NEBL: variants seen among roughly 807,000 people sequenced by gnomAD.
The protein encoded by NEBL is LIM and SH3 protein 2.
In NEBL, 122 loss-of-function variants were observed where a neutral mutation model predicts 140.2. The ratio of observed to expected loss-of-function variants is 0.87; its 90% CI spans 0.75 to 1.01. The LOEUF (loss-of-function observed/expected upper bound fraction) is 1.01, where lower values mean the gene tolerates loss of function less well. Ranked by LOEUF, NEBL falls within the 50% of genes least tolerant of loss-of-function variation. The pLI is 0.00. For synonymous variants in NEBL, 436 were observed against 398.9 expected (o/e 1.09, Z -1.11); for missense variants, 1,365 against 1,231.3 (o/e 1.11, Z -1.62).
At chr10:21,022,181 A>G (rs1389824955) in intron 2 of NEBL, among the ~76,000 whole-genome samples, 1 of 152,104 alleles carries the variant, frequency 6.6e-6, no homozygotes, top group Non-Finnish European at 1.5e-5. Flanking sequence ...AAAGCCACAG[A>G]GCTCAGAGCT....
rs4748751 is a variant in NEBL, at chr10:21,152,222, G to A, written c.164+20161C>T. Among the ~76,000 whole-genome samples, 51 of 152,180 alleles carry A rather than the reference G, an allele frequency of 3.4e-4. 1 individual carries two copies. In the South Asian group the frequency reaches 9.8e-3, roughly 29 times the overall value. On this transcript the variant is annotated intron_variant, in intron 2 of 6. Transcript: ENST00000417816. ...CCCAATCCATGATGGATTCTCTTTC[G>A]TGCTCATCTGTCTGGCCACCCCTTG...
At position 21,291,984 on chromosome 10, in the gene NEBL, T is replaced by C. The variant is rs80321425; in HGVS notation, n.182+846A>G. Among the ~76,000 whole-genome samples the C allele has an allele frequency of 3.3e-3, 483 of 147,654 alleles. 8 individuals are homozygous for C. Among genetic ancestry groups the C allele is most frequent in the African/African-American group, 0.012 (458 of 38,976 alleles). On this transcript the variant is annotated intron_variant and non_coding_transcript_variant, in intron 1 of 8. Coordinates refer to the NEBL transcript ENST00000675702. ...CATATGCAGATGATAATTGCTGTTATAAGTTTAATGCCCAGACTTGGTTTC... is the reference window on the plus strand; with the variant it reads ...CATATGCAGATGATAATTGCTGTTACAAGTTTAATGCCCAGACTTGGTTTC...
At chr10:20,936,185 C>T (rs1834473977) in intron 4 of NEBL, among the ~76,000 whole-genome samples, 2 of 152,304 alleles carry the variant, frequency 1.3e-5, no homozygotes, top group African/African-American at 4.8e-5. Context: ...ATCTTTTACT[C>T]ATATTCTAAG....
chr10:20,973,476 C>T (rs528638768), intron 3 of NEBL, among the ~76,000 whole-genome samples: 19 of 152,144 alleles, frequency 1.2e-4, no homozygotes, highest in Admixed American at 4.6e-4. Context: ...TCTCAAATTC[C>T]GGGCCTCAAG....
upstream of NEBL, chr10:20,897,634 A>T (rs1409935137): frequency 1.4e-6 from 1 of 735,222 alleles, no homozygotes; most frequent in Non-Finnish European, 1.7e-6. Flanking sequence ...TATCTCAAAG[A>T]TTCCTTGTCT....
chr10:20,816,373 C>T (rs533869427), intron 21 of NEBL, among the ~76,000 whole-genome samples: 12 of 152,276 alleles, frequency 7.9e-5, no homozygotes, highest in South Asian at 6.2e-4. Flanking sequence ...GAATTAACTG[C>T]GGCAGAATTT....
At chr10:20,924,667 A>C (rs1434084689) in intron 4 of NEBL, among the ~76,000 whole-genome samples, 1 of 152,038 alleles carries the variant, frequency 6.6e-6, no homozygotes, top group African/African-American at 2.4e-5. Flanking sequence ...TTTAAAAAAA[A>C]ATAAGGTGAG....
intron 1 of NEBL, among the ~76,000 whole-genome samples, chr10:21,268,580 G>A (rs962665005): frequency 5.3e-5 from 8 of 151,376 alleles, no homozygotes; most frequent in African/African-American, 1.9e-4. Context: ...CTGGAGTGCA[G>A]TGGTGTGATC....
chr10:20,956,427 G>A (rs1288381672), intron 4 of NEBL, among the ~76,000 whole-genome samples: 1 of 151,738 alleles, frequency 6.6e-6, no homozygotes. Flanking sequence ...CTATTTACTG[G>A]GAATTCATCA....
At chr10:21,012,826 C>G (rs1375068942) in intron 3 of NEBL, among the ~76,000 whole-genome samples, 1 of 152,114 alleles carries the variant, frequency 6.6e-6, no homozygotes, top group African/African-American at 2.4e-5. Flanking sequence ...CTCCCTCCAC[C>G]GTCAGCTATG....
intron 4 of NEBL, among the ~76,000 whole-genome samples, chr10:20,945,754 C>A (rs1835124769): frequency 6.6e-6 from 1 of 152,140 alleles, no homozygotes; most frequent in South Asian, 2.1e-4. Context: ...TGCTCTGTGG[C>A]ACAAGGGCTC....
At chr10:20,877,922 C>T (rs1039413771) in intron 5 of NEBL, among the ~76,000 whole-genome samples, 1 of 152,170 alleles carries the variant, frequency 6.6e-6, no homozygotes, top group Non-Finnish European at 1.5e-5. Flanking sequence ...CTTTCTTTTG[C>T]CTAGTAAACC....
At chr10:20,806,241 A>G (rs1837605479) in intron 26 of NEBL, among the ~76,000 whole-genome samples, 2 of 152,178 alleles carry the variant, frequency 1.3e-5, no homozygotes, top group African/African-American at 4.8e-5. Flanking sequence ...CAGAGGGAGT[A>G]GAGGCATCCA....
chr10:21,242,029 C>T (rs916577964), intron 3 of NEBL, among the ~76,000 whole-genome samples: 2 of 152,008 alleles, frequency 1.3e-5, no homozygotes, highest in Admixed American at 1.3e-4. Flanking sequence ...TAGTGAAACC[C>T]CATGTGTACA....
At chr10:20,928,972 C>T (rs1589027220) in intron 4 of NEBL, among the ~76,000 whole-genome samples, 2 of 152,182 alleles carry the variant, frequency 1.3e-5, no homozygotes, top group East Asian at 3.9e-4. Flanking sequence ...TTCATCGCCT[C>T]CTCTCTTACC....
intron 26 of NEBL, among the ~76,000 whole-genome samples, chr10:20,802,633 G>T (rs1837224260): frequency 6.6e-6 from 1 of 152,164 alleles, no homozygotes; most frequent in South Asian, 2.1e-4. Flanking sequence ...ACTTAAAGGA[G>T]AAGGCTTATC....
At chr10:21,237,174 T>C (rs1440529975) in intron 3 of NEBL, among the ~76,000 whole-genome samples, 1 of 152,206 alleles carries the variant, frequency 6.6e-6, no homozygotes, top group African/African-American at 2.4e-5. Flanking sequence ...ATATGACATC[T>C]TTCTTTTTTT....
At chr10:21,170,056 A>T (rs1841007177) in intron 2 of NEBL, among the ~76,000 whole-genome samples, 1 of 152,184 alleles carries the variant, frequency 6.6e-6, no homozygotes, top group African/African-American at 2.4e-5. Context: ...AATCTCATAA[A>T]CTTTTTAAAT....
chr10:21,012,030 G>C (rs929793066), intron 3 of NEBL, among the ~76,000 whole-genome samples: 1 of 152,230 alleles, frequency 6.6e-6, no homozygotes, highest in African/African-American at 2.4e-5. Context: ...AGGAGATTGG[G>C]AATACATTTT....
Sources: gnomAD v4.1 joint callset for allele counts (sites outside exome capture counted in the v4.1 genomes callset) on GRCh38, gnomAD v4.1.1 for gene constraint, MANE v1.5 for transcripts, NCBI Gene and HGNC (gene_info 2026-07-23, HGNC 2026-07-21) for gene names.